NEK11: variants seen among roughly 807,000 people sequenced by gnomAD.
NEK11 encodes the protein NIMA related kinase 11, also known as serine/threonine-protein kinase Nek11.
Under a neutral mutation model 80.7 loss-of-function variants are expected in NEK11, and 72 were observed. That is an observed-to-expected ratio of 0.89 (90% confidence interval 0.74 to 1.08). NEK11 has a LOEUF of 1.08. Among genes scored for constraint, NEK11 ranks in the 50% least tolerant of loss-of-function variants. NEK11 has a pLI of 0.00. For synonymous variants in NEK11, 251 were observed against 260.7 expected (o/e 0.96, Z 0.36); for missense variants, 764 against 763.6 (o/e 1.00, Z -0.01).
chr3:131,093,726 A>C (rs1018248937), intron 4 of NEK11, among the ~76,000 whole-genome samples: 1 of 152,140 alleles, frequency 6.6e-6, no homozygotes, highest in Non-Finnish European at 1.5e-5. Context: ...ATTTGAACAA[A>C]TAGTCACCCT....
intron 17 of NEK11, among the ~76,000 whole-genome samples, chr3:131,337,899 G>T (rs538039070): frequency 6.6e-6 from 1 of 152,084 alleles, no homozygotes; most frequent in South Asian, 2.1e-4. Context: ...ATATGATTGT[G>T]TAAATAACAC....
intron 3 of NEK11, among the ~76,000 whole-genome samples, chr3:131,047,507 G>A (rs1274448840): frequency 6.6e-6 from 1 of 152,180 alleles, no homozygotes; most frequent in Non-Finnish European, 1.5e-5. Flanking sequence ...TTAGGGATGT[G>A]GTTTCCTGAG....
At chr3:131,105,438 C>T (rs1480701418) in intron 4 of NEK11, among the ~76,000 whole-genome samples, 1 of 152,206 alleles carries the variant, frequency 6.6e-6, no homozygotes, top group African/African-American at 2.4e-5. Flanking sequence ...TTCCCTTCTA[C>T]AGACTTTTTG....
chr3:131,316,883 AG>A (rs1294449974), intron 17 of NEK11, among the ~76,000 whole-genome samples: 1 of 152,234 alleles, frequency 6.6e-6, no homozygotes, highest in Non-Finnish European at 1.5e-5. Flanking sequence ...TAAATATAAA[AG>A]CACCTGGTTC....
intron 17 of NEK11, among the ~76,000 whole-genome samples, chr3:131,299,582 G>A (rs1173466445): frequency 6.6e-6 from 1 of 152,080 alleles, no homozygotes; most frequent in Non-Finnish European, 1.5e-5. Flanking sequence ...TTGTGTTCAT[G>A]TATACTCAAT....
At chr3:131,032,226 T>G (rs1222059720) in intron 3 of NEK11, among the ~76,000 whole-genome samples, 2 of 152,222 alleles carry the variant, frequency 1.3e-5, no homozygotes, top group African/African-American at 4.8e-5. Context: ...CCTCCCAAAG[T>G]GCTGAGATTA....
At chr3:131,219,564 A>T (rs1178575334) in intron 14 of NEK11, among the ~76,000 whole-genome samples, 3 of 151,762 alleles carry the variant, frequency 2.0e-5, no homozygotes, top group South Asian at 2.1e-4. Flanking sequence ...TACAAAAAAA[A>T]AAAAGAGGAA....
At chr3:131,062,637 T>A (rs1274573619) in intron 3 of NEK11, among the ~76,000 whole-genome samples, 1 of 152,216 alleles carries the variant, frequency 6.6e-6, no homozygotes, top group African/African-American at 2.4e-5. Flanking sequence ...TATAGGTAAG[T>A]CTTTTCTAGC....
intron 17 of NEK11, among the ~76,000 whole-genome samples, chr3:131,302,985 T>TTGTAGGTCTCTCAGAACATGGTGC (rs2096678478): frequency 2.0e-5 from 3 of 152,102 alleles, no homozygotes; most frequent in African/African-American, 7.2e-5. Context: ...CTAAGTCTCT[T>TTGTAGGTCTCTCAGAACATGGTGC]TGTAGGTCTC....
At chr3:131,028,377 G>C (rs2064217914) in intron 2 of NEK11, among the ~76,000 whole-genome samples, 1 of 152,024 alleles carries the variant, frequency 6.6e-6, no homozygotes, top group Admixed American at 6.6e-5. Context: ...TGGAATTGTT[G>C]AATATGAAAA....
chr3:131,316,875 A>G (rs1328263423), intron 17 of NEK11, among the ~76,000 whole-genome samples: 2 of 152,208 alleles, frequency 1.3e-5, no homozygotes, highest in Admixed American at 1.3e-4. Context: ...GGAAGAATTA[A>G]ATATAAAAGC....
At chr3:131,173,123 A>G (rs1194669499) in intron 14 of NEK11, among the ~76,000 whole-genome samples, 1 of 152,188 alleles carries the variant, frequency 6.6e-6, no homozygotes, top group Non-Finnish European at 1.5e-5. Flanking sequence ...TCAAAAAACA[A>G]CTATAAGTCT....
Position 131,349,594 on chromosome 3 carries a change from G to A in NEK11, c.1756G>A (p.Glu586Lys), listed in dbSNP as rs1417787858. The A allele has an allele frequency of 6.2e-7, 1 of 1,614,016 alleles. No individual in the cohort carries two copies. Among genetic ancestry groups the A allele is most frequent in the Non-Finnish European group, 8.5e-7 (1 of 1,180,036 alleles). ...GAAGCTGGGGACAGAAGTATTTGAAGAGGTCTATAATTACCTCAAGAGAGC... is the reference window on the plus strand; with the variant it reads ...GAAGCTGGGGACAGAAGTATTTGAAAAGGTCTATAATTACCTCAAGAGAGC... ...MQKLGTEVFE[E>K]VYNYLKRARH... is the part of the protein sequence containing the mutation. The change falls in exon 18 of 18, where the codon GAG (glutamate) becomes AAG (lysine). Residue 586 changes from glutamate to lysine, a missense_variant. Glu to Lys is a moderately conservative substitution (Grantham distance 56, BLOSUM62 1). Transcript: ENST00000383366.
At position 131,158,098 on chromosome 3, in the gene NEK11, C is replaced by T. The variant is rs185368321; in HGVS notation, c.962+2977C>T. The stretch of plus-strand genomic sequence containing the variant: ...TCAGAGGGGGCTGATCTGACCTGAG[C>T]ACCCCTTGATCTTCTGGCCTCTCCT... On this transcript the variant is annotated intron_variant, in intron 10 of 17. Transcript: ENST00000383366. 2.6e-5 allele frequency among the ~76,000 whole-genome samples: 4 copies of T among 152,182 alleles called. No homozygotes were observed. In the East Asian group the frequency reaches 7.7e-4, roughly 29 times the overall value.
intron 10 of NEK11, among the ~76,000 whole-genome samples, chr3:131,155,738 A>G (rs1403973028): frequency 6.6e-6 from 1 of 152,168 alleles, no homozygotes; most frequent in Non-Finnish European, 1.5e-5. Flanking sequence ...ATGCACAACT[A>G]TGGTATACAG....
chr3:131,336,013 G>C (rs547690837), intron 17 of NEK11, among the ~76,000 whole-genome samples: 76 of 152,274 alleles, frequency 5.0e-4, no homozygotes, highest in African/African-American at 1.8e-3. Flanking sequence ...TGGGTAGGAA[G>C]AATCAATATC....
rs2067848273 is a variant in NEK11 at position 131,048,763 on chromosome 3, C to T, written c.170+18885C>T. Among the ~76,000 whole-genome samples, 5 of 152,346 alleles carry T rather than the reference C, an allele frequency of 3.3e-5. No homozygotes were observed. In the South Asian group the frequency reaches 8.3e-4, roughly 25 times the overall value. On this transcript the variant is annotated intron_variant, in intron 3 of 17. Coordinates refer to ENST00000383366, the MANE Select transcript of NEK11 (RefSeq NM_024800.5). ...TCTCTGTATGAGTCTTCACACGCTG[C>T]TCTGTCTGTCTGAGTGGGAGCTGCA... is the stretch of plus-strand genomic sequence containing the variant.
chr3:131,079,045 AT>A (rs1282680651), intron 3 of NEK11, among the ~76,000 whole-genome samples: 1 of 151,892 alleles, frequency 6.6e-6, no homozygotes, highest in Non-Finnish European at 1.5e-5. Flanking sequence ...ACAGCTGTTT[AT>A]TTTTGCAACT....
chr3:131,060,711 T>C (rs1339457273), intron 3 of NEK11, among the ~76,000 whole-genome samples: 1 of 152,240 alleles, frequency 6.6e-6, no homozygotes, highest in South Asian at 2.1e-4. Flanking sequence ...TGTGACTGTC[T>C]TCTCTTTGCC....
Sources: allele counts gnomAD v4.1 joint callset (sites outside exome capture counted in the v4.1 genomes callset), GRCh38; gene constraint gnomAD v4.1.1; transcripts MANE v1.5; gene names NCBI Gene and HGNC (gene_info 2026-07-23, HGNC 2026-07-21).